BCL11A: variants seen among roughly 807,000 people sequenced by gnomAD.
BCL11A encodes B cell CLL/lymphoma 11A.
Under a neutral mutation model 55.9 loss-of-function variants are expected in BCL11A, and 2 were observed. The observed-to-expected ratio is 0.04, with a 90% confidence interval of 0.01 to 0.11. BCL11A has a LOEUF of 0.11. BCL11A is among the 10% of genes least tolerant of loss of function. The probability of loss-of-function intolerance (pLI) is 1.00; values close to 1 mark genes in which losing one functional copy is unlikely to be tolerated. For missense variants in BCL11A, 817 were observed against 1,137.1 expected (o/e 0.72, Z 4.05); for synonymous variants, 465 against 473.4 (o/e 0.98, Z 0.23).
chr2:60,520,107 G>C (rs1668912490), intron 2 of BCL11A, among the ~76,000 whole-genome samples: 2 of 152,098 alleles, frequency 1.3e-5, no homozygotes, highest in African/African-American at 2.4e-5. Flanking sequence ...TCTGAAAATT[G>C]AAAAATTCAG....
At chr2:60,495,185 C>T (rs780905531) in intron 2 of BCL11A, among the ~76,000 whole-genome samples, 36 of 152,218 alleles carry the variant, frequency 2.4e-4, no homozygotes, top group Non-Finnish European at 4.9e-4. Flanking sequence ...AAACGGCCAC[C>T]GATGGAGAGG....
chr2:60,466,500 C>T (rs1676622086), intron 3 of BCL11A, among the ~76,000 whole-genome samples: 1 of 152,026 alleles, frequency 6.6e-6, no homozygotes, highest in Admixed American at 6.6e-5. Context: ...GGGAAGGGAG[C>T]AGATGAGGTG....
At chr2:60,488,685 T>C (rs1678431876) in intron 2 of BCL11A, among the ~76,000 whole-genome samples, 1 of 152,186 alleles carries the variant, frequency 6.6e-6, no homozygotes, top group Non-Finnish European at 1.5e-5. Context: ...CAAATCAGTA[T>C]CAATAGCCAA....
At chr2:60,468,077 A>G (rs1481251084) in intron 3 of BCL11A, among the ~76,000 whole-genome samples, 5 of 97,788 alleles carry the variant, frequency 5.1e-5, no homozygotes, top group Non-Finnish European at 8.3e-5. Flanking sequence ...GGTGGTAGTG[A>G]TGGTGGTGGT....
intron 2 of BCL11A, among the ~76,000 whole-genome samples, chr2:60,482,031 G>T (rs1677988832): frequency 6.6e-6 from 1 of 152,194 alleles, no homozygotes; most frequent in Non-Finnish European, 1.5e-5. Flanking sequence ...GGGCTTGTTT[G>T]TCATTTTTGG....
chr2:60,519,411 A>T (rs553465370), intron 2 of BCL11A, among the ~76,000 whole-genome samples: 2 of 152,338 alleles, frequency 1.3e-5, no homozygotes, highest in Admixed American at 6.5e-5. Context: ...AAGATTAAAA[A>T]CATGTTGGAA....
intron 2 of BCL11A, among the ~76,000 whole-genome samples, chr2:60,498,197 C>T (rs973507614): frequency 6.6e-5 from 10 of 151,728 alleles, no homozygotes; most frequent in African/African-American, 2.4e-4. Flanking sequence ...TGTGTGGCTC[C>T]TTAAGGTGAC....
At chr2:60,463,076 C>G (rs553466858) in intron 3 of BCL11A, among the ~76,000 whole-genome samples, 12 of 152,342 alleles carry the variant, frequency 7.9e-5, no homozygotes, top group African/African-American at 2.9e-4. Context: ...AGACTAGCAA[C>G]ATTCTCACAC....
intron 2 of BCL11A, among the ~76,000 whole-genome samples, chr2:60,489,698 G>T (rs1194305775): frequency 6.6e-6 from 1 of 152,126 alleles, no homozygotes; most frequent in East Asian, 1.9e-4. Flanking sequence ...CTTGTTCCCT[G>T]GCTCATCTCC....
At chr2:60,467,654 A>ATGGTGATGGTACTGG (rs1676842973) in intron 3 of BCL11A, among the ~76,000 whole-genome samples, 1 of 37,068 alleles carries the variant, frequency 2.7e-5, no homozygotes, top group Admixed American at 2.6e-4. Context: ...GGTGGTGATG[A>ATGGTGATGGTACTGG]TGGTGATGGT....
At chr2:60,453,359 T>C (rs577053647), downstream of BCL11A, among the ~76,000 whole-genome samples, 5 of 152,346 alleles carry the variant, frequency 3.3e-5, no homozygotes, top group East Asian at 9.6e-4. Flanking sequence ...GGACATTGAC[T>C]TGAAGCAGCA....
chr2:60,517,242 A>G (rs780043009), intron 2 of BCL11A, among the ~76,000 whole-genome samples: 16 of 150,982 alleles, frequency 1.1e-4, no homozygotes, highest in Admixed American at 2.6e-4. Context: ...TTCCTTCACC[A>G]CCCCAACTCC....
intron 2 of BCL11A, among the ~76,000 whole-genome samples, chr2:60,482,228 C>T (rs1678001907): frequency 6.6e-6 from 1 of 151,550 alleles, no homozygotes; most frequent in South Asian, 2.1e-4. Flanking sequence ...GGTTTCTCTT[C>T]CTCCATTAAA....
intron 2 of BCL11A, among the ~76,000 whole-genome samples, chr2:60,515,429 CA>C (rs1668687745): frequency 6.6e-6 from 1 of 152,172 alleles, no homozygotes; most frequent in African/African-American, 2.4e-5. Flanking sequence ...AAAAATAAAA[CA>C]TGACTCCTGC....
intron 2 of BCL11A, among the ~76,000 whole-genome samples, chr2:60,486,040 G>C (rs1256854094): frequency 1.3e-5 from 2 of 152,120 alleles, no homozygotes. Flanking sequence ...AGTATGTTTA[G>C]GGATCTATTT....
At chr2:60,516,114 A>G (rs1668715792) in intron 2 of BCL11A, among the ~76,000 whole-genome samples, 1 of 152,076 alleles carries the variant, frequency 6.6e-6, no homozygotes, top group African/African-American at 2.4e-5. Context: ...GCCTGTGATG[A>G]CTCATGCCAG....
downstream of BCL11A, among the ~76,000 whole-genome samples, chr2:60,455,273 G>A (rs1675888154): frequency 1.3e-5 from 2 of 151,784 alleles, no homozygotes; most frequent in African/African-American, 4.8e-5. Context: ...AGACATTAAT[G>A]TTCTTAGTAG....
chr2:60,482,235 T>TA (rs550096327), intron 2 of BCL11A, among the ~76,000 whole-genome samples: 2,275 of 146,692 alleles, frequency 0.016, 16 homozygotes, highest in Non-Finnish European at 0.024. Flanking sequence ...CTTCCTCCAT[T>TA]AAAAAAAAAA....
chr2:60,541,318 T>C (rs1331476657), intron 2 of BCL11A, among the ~76,000 whole-genome samples: 1 of 152,224 alleles, frequency 6.6e-6, no homozygotes, highest in Non-Finnish European at 1.5e-5. Flanking sequence ...TAGGATCTTC[T>C]ACATTTTAGA....
Sources: gnomAD v4.1 joint callset for allele counts (sites outside exome capture counted in the v4.1 genomes callset) on GRCh38, gnomAD v4.1.1 for gene constraint, MANE v1.5 for transcripts, NCBI Gene and HGNC (gene_info 2026-07-23, HGNC 2026-07-21) for gene names.